The following HOXB3 variants were observed in gnomAD, a reference collection of about 807,000 sequenced individuals.
HOXB3 encodes homeobox B3, also known as homeobox protein Hox-B3.
HOXB3 carries 17 observed loss-of-function variants against 29.2 expected under a neutral mutation model. The observed-to-expected ratio is 0.58, with a 90% confidence interval of 0.40 to 0.87. The LOEUF (loss-of-function observed/expected upper bound fraction) is 0.87, where lower values mean the gene tolerates loss of function less well. Ranked by LOEUF, HOXB3 falls within the 40% of genes least tolerant of loss-of-function variation. The probability of loss-of-function intolerance (pLI) is 0.00; values close to 1 mark genes in which losing one functional copy is unlikely to be tolerated. For missense variants in HOXB3, 637 were observed against 616.3 expected (o/e 1.03, Z -0.35); for synonymous variants, 317 against 285.9 (o/e 1.11, Z -1.10).
At chr17:48,587,105 C>A (rs2070061667) in intron 1 of HOXB3, among the ~76,000 whole-genome samples, 1 of 152,148 alleles carries the variant, frequency 6.6e-6, no homozygotes, top group African/African-American at 2.4e-5. Context: ...TTGCTGAGAA[C>A]TCCAGGGGCT....
chr17:48,569,444 C>T (rs898427507), intron 2 of HOXB3, among the ~76,000 whole-genome samples: 1 of 151,916 alleles, frequency 6.6e-6, no homozygotes, highest in African/African-American at 2.4e-5. Context: ...TCTCCCTTCT[C>T]CTCCTGCTTC....
At chr17:48,588,979 G>C (rs1220101616) in intron 1 of HOXB3, among the ~76,000 whole-genome samples, 1 of 152,226 alleles carries the variant, frequency 6.6e-6, no homozygotes, top group Non-Finnish European at 1.5e-5. Context: ...GCTGAATCAA[G>C]GGATGGCAGG....
chr17:48,577,265 T>C (rs1408640878), intron 1 of HOXB3, among the ~76,000 whole-genome samples: 1 of 152,020 alleles, frequency 6.6e-6, no homozygotes, highest in Admixed American at 6.6e-5. Context: ...GGGGGGCGTG[T>C]GAGGACTCCC....
At chr17:48,572,522 C>T (rs1451391559) in intron 2 of HOXB3, among the ~76,000 whole-genome samples, 2 of 152,124 alleles carry the variant, frequency 1.3e-5, no homozygotes, top group African/African-American at 2.4e-5. Context: ...ATATCTTCTC[C>T]CTTTGTCTTT....
rs897119690 is a variant in HOXB3 at position 48,555,249 on chromosome 17, A to T, written c.-159+282T>A. ...AGACTTTCTTAGCAGCCGCGGAGAA[A>T]ATTCAGCCCTGGATCTGGCTGCTGA... On this transcript the variant is annotated intron_variant, in intron 3 of 4. Transcript: ENST00000498678. 21 of 519,142 alleles carry T rather than the reference A, an allele frequency of 4.0e-5. No individual in the cohort carries two copies. The Admixed American group carries it at 7.2e-4, about 18-fold the overall frequency. 32.2% of individuals were successfully genotyped at this position (519,142 alleles called of 1,614,324 possible). A position where few individuals can be genotyped will look rare whatever the true frequency, so the allele number is the denominator to read the frequency against.
At chr17:48,576,962 C>T (rs769370544) in intron 1 of HOXB3, 9 of 1,613,782 alleles carry the variant, frequency 5.6e-6, no homozygotes, top group Non-Finnish European at 2.5e-6. Context: ...CCAAGACCTG[C>T]TGGCGCGTGT....
Position 48,552,408 on chromosome 17 carries a change from C to T in HOXB3, c.67G>A (p.Gly23Ser), listed in dbSNP as rs761200337. Residue 23 changes from glycine to serine, a missense_variant, in exon 4 of 5, where the codon GGC (glycine) becomes AGC (serine). Coordinates refer to ENST00000498678, the MANE Select transcript of HOXB3 (RefSeq NM_001384749.1). The stretch of plus-strand genomic sequence containing the variant: ...ACATCGAAGCCGAAGCCATTGCTGC[C>T]AGGGTACGAGGAATAGCCTCCGAAG... ...ALFGGYSSYP[G>S]SNGFGFDVPP... 1.9e-6 allele frequency: 3 copies of T among 1,611,246 alleles called. No individual in the cohort carries two copies. The highest frequency in any genetic ancestry group is 3.3e-5 in the Admixed American group (2 of 59,918).
At chr17:48,552,723 G>GT (rs2068814226) in intron 3 of HOXB3, 91 bp from the exon 4 acceptor site, 1 of 415,478 alleles carries the variant, frequency 2.4e-6, no homozygotes, top group African/African-American at 2.0e-5. Context: ...CATCAATAGG[G>GT]TTTTTTCTTT....
intron 1 of HOXB3, among the ~76,000 whole-genome samples, chr17:48,582,787 T>C (rs2069975276): frequency 6.6e-6 from 1 of 152,148 alleles, no homozygotes. Context: ...AAAGTCCCAT[T>C]CGGATAGGAG....
rs2068626660 is a variant in HOXB3, at chr17:48,549,305, T to C, written c.*1029A>G. ...GAAAATGTTCACTAGAACACACGCTTTTTTGAGCAATGCTGGACTTCTGCA... is the reference window on the plus strand; with the variant it reads ...GAAAATGTTCACTAGAACACACGCTCTTTTGAGCAATGCTGGACTTCTGCA... On this transcript the variant is annotated 3_prime_UTR_variant, in exon 5 of 5. Coordinates refer to ENST00000498678, the MANE Select transcript of HOXB3 (RefSeq NM_001384749.1). The C allele has an allele frequency of 2.6e-5, 4 of 152,600 alleles. No individual in the cohort carries two copies. The highest frequency in any genetic ancestry group is 2.6e-4 in the Admixed American group (4 of 15,290). The allele number at this position is 152,600 out of a possible 1,614,324, so 9.5% of individuals were successfully genotyped here. A position where few individuals can be genotyped will look rare whatever the true frequency, so the allele number is the denominator to read the frequency against.
At chr17:48,579,735 GAAT>G (rs2069884388) in intron 1 of HOXB3, 1 of 285,754 alleles carries the variant, frequency 3.5e-6, no homozygotes, top group Admixed American at 5.8e-5. Context: ...AAAGATAGAG[GAAT>G]AAAGAGGAAG....
rs1378624051 is a variant in HOXB3 at position 48,549,601 on chromosome 17, C to T, written c.*733G>A. ...CAGCAGAATGGGCAAACCTTCAGTC[C>T]TAACAACCTGCCTGCCCTAGCCTCC... On this transcript the variant is annotated 3_prime_UTR_variant, in exon 5 of 5. Transcript: ENST00000498678. 6.6e-6 allele frequency: 1 copy of T among 152,510 alleles called. No homozygotes were observed. The highest frequency in any genetic ancestry group is 1.9e-4 in the East Asian group (1 of 5,198). 9.4% of individuals were successfully genotyped at this position (152,510 alleles called of 1,614,324 possible).
At chr17:48,571,257 C>T (rs919239162) in intron 2 of HOXB3, among the ~76,000 whole-genome samples, 1 of 152,236 alleles carries the variant, frequency 6.6e-6, no homozygotes, top group African/African-American at 2.4e-5. Flanking sequence ...CGTCAGCGCT[C>T]AACTCACGCT....
At chr17:48,564,022 A>G (rs1303844532) in intron 2 of HOXB3, among the ~76,000 whole-genome samples, 1 of 150,534 alleles carries the variant, frequency 6.6e-6, no homozygotes, top group Non-Finnish European at 1.5e-5. Flanking sequence ...ATTCCTCCAC[A>G]CTCGTCCTCC....
chr17:48,550,249 TC>T lies in HOXB3; in HGVS notation c.*84del, dbSNP rs1045138094. ...CCTGGGTACCACCTTCTCTGGCTCCTCTTTTCAGACCTCCAGGTTGCCCCCC... is the reference window on the plus strand; with the variant it reads ...CCTGGGTACCACCTTCTCTGGCTCCTTTTTCAGACCTCCAGGTTGCCCCCC... On this transcript the variant is annotated 3_prime_UTR_variant, in exon 5 of 5. Transcript: ENST00000498678. 6.4e-6 allele frequency: 10 copies of T among 1,571,270 alleles called. No individual in the cohort carries two copies. In the Admixed American group the frequency reaches 1.8e-4, roughly 28 times the overall value.
At chr17:48,559,009 G>C (rs1276209828) in intron 2 of HOXB3, among the ~76,000 whole-genome samples, 2 of 151,866 alleles carry the variant, frequency 1.3e-5, no homozygotes, top group Non-Finnish European at 2.9e-5. Context: ...AAGAGACAGA[G>C]ACACTAGCAT....
Position 48,554,673 on chromosome 17 carries a change from C to A in HOXB3, c.-159+858G>T. On this transcript the variant is annotated intron_variant, in intron 3 of 4. Coordinates refer to ENST00000498678, the MANE Select transcript of HOXB3 (RefSeq NM_001384749.1). This position sits in a 1 kb window ranked among gnomAD's most constrained non-coding sequence, Gnocchi z 4.1. ...CGAAGAAGAGCAAGCGATCAGGACA[C>A]CAAAACGGTTATCGGAGGCAGGTTC... 1.4e-6 allele frequency: 1 copy of A among 702,334 alleles called. No homozygotes were observed. Among genetic ancestry groups the A allele is most frequent in the Non-Finnish European group, 2.6e-6 (1 of 384,802 alleles). 43.5% of individuals were successfully genotyped at this position (702,334 alleles called of 1,614,324 possible). A position where few individuals can be genotyped will look rare whatever the true frequency, so the allele number is the denominator to read the frequency against.
At chr17:48,560,482 C>A (rs1161958204) in intron 2 of HOXB3, 1 of 152,010 alleles carries the variant, frequency 6.6e-6, no homozygotes, top group Non-Finnish European at 1.5e-5. Context: ...ATTTCCAGAG[C>A]CCCAAAGATG....
At chr17:48,577,918 G>A (rs747521361) in intron 1 of HOXB3, 5 of 1,373,522 alleles carry the variant, frequency 3.6e-6, no homozygotes, top group South Asian at 2.1e-5. Context: ...CTTTGCACGC[G>A]GAGTGGGACG....
Sources: gnomAD v4.1 joint callset for allele counts (sites outside exome capture counted in the v4.1 genomes callset) on GRCh38, gnomAD v4.1.1 for gene constraint, Gnocchi (gnomAD v3.1) non-coding constraint, MANE v1.5 for transcripts, NCBI Gene and HGNC (gene_info 2026-07-23, HGNC 2026-07-21) for gene names.